The following PPM1L variants were observed in gnomAD, a reference collection of about 807,000 sequenced individuals.
The protein encoded by PPM1L is protein phosphatase, Mg2+/Mn2+ dependent 1L.
A neutral mutation model predicts 31.4 loss-of-function variants in PPM1L; 13 were observed. The observed-to-expected ratio is 0.41, with a 90% confidence interval of 0.27 to 0.66. PPM1L has a LOEUF of 0.66. PPM1L is among the 30% of genes least tolerant of loss of function. The pLI is 0.29. For synonymous variants in PPM1L, 184 were observed against 175.4 expected (o/e 1.05, Z -0.39); for missense variants, 326 against 453.7 (o/e 0.72, Z 2.56).
At chr3:160,860,728 G>T (rs551989153) in intron 1 of PPM1L, among the ~76,000 whole-genome samples, 3 of 152,148 alleles carry the variant, frequency 2.0e-5, no homozygotes, top group Non-Finnish European at 4.4e-5. Flanking sequence ...CAGTTTTGGA[G>T]GCTGGGAAGT....
chr3:160,916,708 G>T (rs929376081), intron 1 of PPM1L, among the ~76,000 whole-genome samples: 1 of 151,574 alleles, frequency 6.6e-6, no homozygotes, highest in East Asian at 1.9e-4. Context: ...ACTCCTTTGA[G>T]AAACATATGT....
intron 1 of PPM1L, among the ~76,000 whole-genome samples, chr3:160,866,293 T>G (rs1712084738): frequency 6.6e-6 from 1 of 152,230 alleles, no homozygotes; most frequent in Non-Finnish European, 1.5e-5. Flanking sequence ...TGGTTTCACT[T>G]TATTCATTTT....
rs570566994 is a variant in PPM1L at position 160,811,784 on chromosome 3, G to C, written c.399+55077G>C. Among the ~76,000 whole-genome samples the C allele has an allele frequency of 2.6e-5, 4 of 152,292 alleles. No individual in the cohort carries two copies. In the East Asian group the frequency reaches 7.7e-4, roughly 29 times the overall value. ...CCCCAGAGTCCTCAGAGTAGACTCA[G>C]TGCCTTCCCTTCCACTTAATAGGAT... On this transcript the variant is annotated intron_variant, in intron 1 of 3. Transcript: ENST00000498165.
chr3:160,908,520 ACTTT>A (rs1713841735), intron 1 of PPM1L, among the ~76,000 whole-genome samples: 1 of 152,098 alleles, frequency 6.6e-6, no homozygotes, highest in African/African-American at 2.4e-5. Flanking sequence ...GCTTATTACT[ACTTT>A]CTTTTTTTTT....
chr3:160,798,619 A>G (rs1475835397), intron 1 of PPM1L, among the ~76,000 whole-genome samples: 1 of 152,208 alleles, frequency 6.6e-6, no homozygotes, highest in Admixed American at 6.5e-5. Flanking sequence ...GATTTCTTTC[A>G]AAATATTACT....
At chr3:160,894,434 T>C (rs572645895) in intron 1 of PPM1L, among the ~76,000 whole-genome samples, 30 of 152,304 alleles carry the variant, frequency 2.0e-4, no homozygotes, top group Non-Finnish European at 3.2e-4. Context: ...TTTATCATAT[T>C]CTACTGGGAA....
chr3:160,759,420 C>CT (rs201550252), intron 1 of PPM1L, among the ~76,000 whole-genome samples: 21 of 151,276 alleles, frequency 1.4e-4, no homozygotes, highest in East Asian at 3.9e-4. Flanking sequence ...ATCCCTCACC[C>CT]TTTTTTTTTC....
intron 2 of PPM1L, among the ~76,000 whole-genome samples, chr3:160,978,790 A>G (rs1559911654): frequency 6.6e-6 from 1 of 152,046 alleles, no homozygotes; most frequent in East Asian, 1.9e-4. Flanking sequence ...TGTTCATGCT[A>G]CTGTACTCCA....
At chr3:160,852,456 C>A (rs1234497281) in intron 1 of PPM1L, among the ~76,000 whole-genome samples, 1 of 152,052 alleles carries the variant, frequency 6.6e-6, no homozygotes, top group Non-Finnish European at 1.5e-5. Flanking sequence ...GAGCTTTCCC[C>A]CTTTTTATTG....
At chr3:160,839,568 G>A (rs1158877531) in intron 1 of PPM1L, among the ~76,000 whole-genome samples, 1 of 152,178 alleles carries the variant, frequency 6.6e-6, no homozygotes, top group Admixed American at 6.5e-5. Flanking sequence ...CCCTGAGTGT[G>A]TGCTAACCTT....
chr3:160,945,044 A>AT (rs1715350622), intron 1 of PPM1L, among the ~76,000 whole-genome samples: 2 of 6,656 alleles, frequency 3.0e-4, no homozygotes, highest in African/African-American at 6.9e-4. Context: ...TATAACATAT[A>AT]TATTATATAT....
At chr3:160,835,036 A>ACTTCTTCTTCTTCTTCTT (rs1491239346) in intron 1 of PPM1L, among the ~76,000 whole-genome samples, 33 of 71,992 alleles carry the variant, frequency 4.6e-4, no homozygotes, top group East Asian at 1.9e-3. Context: ...TATTACTACT[A>ACTTCTTCTTCTTCTTCTT]CTACTTCTTC....
At chr3:160,810,956 C>T (rs554273728) in intron 1 of PPM1L, among the ~76,000 whole-genome samples, 2 of 152,244 alleles carry the variant, frequency 1.3e-5, no homozygotes, top group African/African-American at 4.8e-5. Context: ...AATAATAGAG[C>T]CCCAGAGGCC....
intron 1 of PPM1L, among the ~76,000 whole-genome samples, chr3:160,776,070 T>G (rs190304454): frequency 5.8e-4 from 88 of 152,320 alleles, no homozygotes; most frequent in Non-Finnish European, 3.4e-4. Flanking sequence ...TTATCTAATA[T>G]CTCTCTCACT....
At chr3:161,046,372 T>A (rs915663067) in intron 2 of PPM1L, among the ~76,000 whole-genome samples, 1 of 152,032 alleles carries the variant, frequency 6.6e-6, no homozygotes, top group African/African-American at 2.4e-5. Flanking sequence ...ACATACACCA[T>A]CCCGAGACTA....
intron 2 of PPM1L, among the ~76,000 whole-genome samples, chr3:160,997,878 T>C (rs1423035192): frequency 6.6e-6 from 1 of 152,108 alleles, no homozygotes; most frequent in East Asian, 1.9e-4. Flanking sequence ...AAAATAAAAT[T>C]GTATATGTCC....
intron 1 of PPM1L, among the ~76,000 whole-genome samples, chr3:160,853,574 G>A (rs1711589034): frequency 6.6e-6 from 1 of 152,054 alleles, no homozygotes; most frequent in Non-Finnish European, 1.5e-5. Flanking sequence ...AACTATAAAA[G>A]TATAAAAATA....
Position 160,756,498 on chromosome 3 carries a change from G to C in PPM1L, c.190G>C (p.Ala64Pro), listed in dbSNP as rs1560098703. 1 of 1,614,188 alleles carries C rather than the reference G, an allele frequency of 6.2e-7. No individual in the cohort carries two copies. The highest frequency in any genetic ancestry group is 8.5e-7 in the Non-Finnish European group (1 of 1,180,032). The stretch of plus-strand genomic sequence containing the variant: ...CGTGAAGATGGTGAAGGGCAAGGTA[G>C]CCGAGATCATGCAGAACGATCGACT... ...DAVKMVKGKV[A>P]EIMQNDRLGG... The change falls in exon 1 of 4, where the codon GCC (alanine) becomes CCC (proline). Residue 64 changes from alanine (A) to proline (P), a missense_variant. Around this residue, in one of 3 missense-constraint regions of PPM1L, gnomAD observed 83 missense variants for 79.4 expected, o/e 1.04. Transcript: ENST00000498165. This position sits in a 1 kb window ranked among gnomAD's most constrained non-coding sequence, Gnocchi z 6.2.
intron 1 of PPM1L, among the ~76,000 whole-genome samples, chr3:160,851,380 G>A (rs935158731): frequency 2.6e-5 from 4 of 152,174 alleles, no homozygotes; most frequent in African/African-American, 9.7e-5. Context: ...GTCCAAACTT[G>A]AGGCCAAACT....
Sources: allele counts gnomAD v4.1 joint callset (sites outside exome capture counted in the v4.1 genomes callset), GRCh38; gene constraint gnomAD v4.1.1; regional missense constraint gnomAD v4.1.1; non-coding constraint Gnocchi (gnomAD v3.1); transcripts MANE v1.5; gene names NCBI Gene and HGNC (gene_info 2026-07-23, HGNC 2026-07-21).